CCSER1: variants seen among roughly 807,000 people sequenced by gnomAD.
CCSER1 encodes coiled-coil serine rich protein 1, also known as serine-rich coiled-coil domain-containing protein 1.
CCSER1 carries 41 observed loss-of-function variants against 82.0 expected under a neutral mutation model. That is an observed-to-expected ratio of 0.50 (90% CI 0.39 to 0.65). The LOEUF (loss-of-function observed/expected upper bound fraction) is 0.65, where lower values mean the gene tolerates loss of function less well. Ranked by LOEUF, CCSER1 falls within the 30% of genes least tolerant of loss-of-function variation. The probability of loss-of-function intolerance (pLI) is 0.00; values close to 1 mark genes in which losing one functional copy is unlikely to be tolerated. For synonymous variants in CCSER1, 414 were observed against 383.9 expected (o/e 1.08, Z -0.92); for missense variants, 1,119 against 1,064.2 (o/e 1.05, Z -0.72).
chr4:90,702,842 G>A (rs781246940), intron 6 of CCSER1, among the ~76,000 whole-genome samples: 26 of 152,034 alleles, frequency 1.7e-4, no homozygotes, highest in East Asian at 5.8e-4. Flanking sequence ...TTTTTATTGC[G>A]TCTATTTGAT....
chr4:90,949,126 T>G (rs2150349410), intron 9 of CCSER1, among the ~76,000 whole-genome samples: 1 of 152,234 alleles, frequency 6.6e-6, no homozygotes, highest in South Asian at 2.1e-4. Context: ...TAGTACCTCA[T>G]GAGTATCAGA....
At position 90,605,900 on chromosome 4, in the gene CCSER1, TAA is replaced by T. The variant is rs143882968; in HGVS notation, c.1725-22124_1725-22123del. On this transcript the variant is annotated intron_variant, in intron 5 of 10. Transcript: ENST00000509176. ...AATATATTTCTAGTTTTATAGTGCT[TAA>T]GTTTATTAGAATATGACAATAACAT... Among the ~76,000 whole-genome samples, 1,062 of 152,258 alleles carry T rather than the reference TAA, an allele frequency of 7.0e-3. 18 individuals carry two copies. Among genetic ancestry groups the T allele is most frequent in the African/African-American group, 0.024 (1,008 of 41,560 alleles).
At chr4:90,207,403 T>C (rs1319074958) in intron 1 of CCSER1, among the ~76,000 whole-genome samples, 1 of 152,212 alleles carries the variant, frequency 6.6e-6, no homozygotes, top group East Asian at 1.9e-4. Flanking sequence ...CTAACCTTTT[T>C]TCAAGGTTCT....
intron 4 of CCSER1, among the ~76,000 whole-genome samples, chr4:90,423,905 C>T (rs1323107309): frequency 2.0e-5 from 3 of 151,626 alleles, no homozygotes; most frequent in Non-Finnish European, 2.9e-5. Context: ...AGATCGAAAC[C>T]ATGGTGAAAC....
At chr4:90,972,900 C>T (rs1213383403) in intron 9 of CCSER1, among the ~76,000 whole-genome samples, 1 of 151,654 alleles carries the variant, frequency 6.6e-6, no homozygotes, top group Middle Eastern at 3.2e-3. Context: ...CAAAAGCATA[C>T]AATGGGGGGA....
chr4:91,537,403 G>A (rs1426499485), intron 10 of CCSER1, among the ~76,000 whole-genome samples: 1 of 152,026 alleles, frequency 6.6e-6, no homozygotes, highest in Admixed American at 6.6e-5. Context: ...GCCTGCTATA[G>A]ATGCCATTTA....
chr4:91,095,839 G>A (rs1202723670), intron 10 of CCSER1, among the ~76,000 whole-genome samples: 1 of 151,806 alleles, frequency 6.6e-6, no homozygotes, highest in African/African-American at 2.4e-5. Flanking sequence ...TCCCATTGAG[G>A]GTCTGTTCCT....
At chr4:90,749,349 G>A (rs1012647553) in intron 7 of CCSER1, among the ~76,000 whole-genome samples, 6 of 151,648 alleles carry the variant, frequency 4.0e-5, no homozygotes, top group Non-Finnish European at 7.4e-5. Context: ...GATAGTTGTA[G>A]ATATGCGGCG....
At chr4:90,743,490 T>A (rs1746901226) in intron 7 of CCSER1, among the ~76,000 whole-genome samples, 1 of 152,168 alleles carries the variant, frequency 6.6e-6, no homozygotes, top group Non-Finnish European at 1.5e-5. Context: ...CTTTAGTAAA[T>A]CTGATGGGAA....
At chr4:91,173,956 T>A (rs557054503) in intron 10 of CCSER1, among the ~76,000 whole-genome samples, 2 of 152,322 alleles carry the variant, frequency 1.3e-5, no homozygotes, top group Admixed American at 6.5e-5. Flanking sequence ...TCTTAAAAAT[T>A]GTAGTTTTTA....
intron 10 of CCSER1, among the ~76,000 whole-genome samples, chr4:91,208,131 C>A (rs1053416638): frequency 1.3e-5 from 2 of 151,804 alleles, no homozygotes; most frequent in Admixed American, 6.6e-5. Flanking sequence ...GGGTATTAGA[C>A]CTTGGTCAGA....
chr4:90,480,754 A>G (rs1311224531), intron 5 of CCSER1, among the ~76,000 whole-genome samples: 6 of 152,172 alleles, frequency 3.9e-5, no homozygotes, highest in Non-Finnish European at 7.4e-5. Context: ...TTTTGGTACC[A>G]GTACCATGCT....
At chr4:90,543,928 A>G (rs61565577) in intron 5 of CCSER1, among the ~76,000 whole-genome samples, 4,990 of 152,240 alleles carry the variant, frequency 0.033, 109 homozygotes, top group South Asian at 0.094. Context: ...TTCACCCTGC[A>G]TCTCAGCTAA....
intron 5 of CCSER1, among the ~76,000 whole-genome samples, chr4:90,617,490 A>T (rs892197196): frequency 5.3e-5 from 8 of 152,166 alleles, no homozygotes; most frequent in Non-Finnish European, 1.0e-4. Flanking sequence ...TCAGCATAGA[A>T]ATAAAGAAAC....
intron 4 of CCSER1, among the ~76,000 whole-genome samples, chr4:90,465,816 C>T (rs993100747): frequency 6.6e-6 from 1 of 152,124 alleles, no homozygotes; most frequent in Non-Finnish European, 1.5e-5. Flanking sequence ...TACAATTACT[C>T]ACAGTTGATA....
chr4:90,323,995 G>A (rs1737655970), intron 3 of CCSER1, among the ~76,000 whole-genome samples: 1 of 152,128 alleles, frequency 6.6e-6, no homozygotes, highest in Non-Finnish European at 1.5e-5. Flanking sequence ...CAAAGGACAT[G>A]AACTCATCAT....
intron 3 of CCSER1, among the ~76,000 whole-genome samples, chr4:90,313,848 C>T (rs947726675): frequency 6.6e-6 from 1 of 152,092 alleles, no homozygotes; most frequent in Non-Finnish European, 1.5e-5. Context: ...CAAATGTGTC[C>T]TTTTTCAGCA....
At chr4:91,395,817 T>TCAAG (rs2149354507) in intron 10 of CCSER1, among the ~76,000 whole-genome samples, 1 of 152,182 alleles carries the variant, frequency 6.6e-6, no homozygotes, top group African/African-American at 2.4e-5. Context: ...TAACCTGGTT[T>TCAAG]TATGGGGCTC....
At chr4:91,096,898 C>CCA (rs1338426104) in intron 10 of CCSER1, among the ~76,000 whole-genome samples, 1 of 152,108 alleles carries the variant, frequency 6.6e-6, no homozygotes, top group Non-Finnish European at 1.5e-5. Context: ...AAAACCAAAA[C>CCA]CAAAGTATCA....
Sources: gnomAD v4.1 joint callset for allele counts (sites outside exome capture counted in the v4.1 genomes callset) on GRCh38, gnomAD v4.1.1 for gene constraint, MANE v1.5 for transcripts, NCBI Gene and HGNC (gene_info 2026-07-23, HGNC 2026-07-21) for gene names.